The following GABBR2 variants were observed in gnomAD, a reference collection of about 807,000 sequenced individuals.
GABBR2 encodes gamma-aminobutyric acid type B receptor subunit 2, also known as G-protein coupled receptor 51.
Under a neutral mutation model 105.6 loss-of-function variants are expected in GABBR2, and 23 were observed. The ratio of observed to expected loss-of-function variants is 0.22; its 90% CI spans 0.16 to 0.31. GABBR2 has a LOEUF of 0.31. Ranked by LOEUF, GABBR2 falls within the 10% of genes least tolerant of loss-of-function variation. GABBR2 has a pLI of 1.00. For missense variants in GABBR2, 734 were observed against 1,245.5 expected (o/e 0.59, Z 6.18); for synonymous variants, 478 against 499.7 (o/e 0.96, Z 0.58).
At chr9:98,333,376 C>G (rs1340951737) in intron 13 of GABBR2, among the ~76,000 whole-genome samples, 2 of 152,132 alleles carry the variant, frequency 1.3e-5, no homozygotes, top group African/African-American at 4.8e-5. Context: ...GACAATTAAT[C>G]CTTGCACAGT....
intron 3 of GABBR2, among the ~76,000 whole-genome samples, chr9:98,506,583 T>C (rs999875795): frequency 1.2e-4 from 19 of 152,200 alleles, no homozygotes; most frequent in African/African-American, 4.6e-4. Context: ...CAGCGCTAGC[T>C]GGAACTCTAT....
intron 13 of GABBR2, among the ~76,000 whole-genome samples, chr9:98,325,336 G>GGC (rs1272377127): frequency 1.6e-5 from 2 of 127,544 alleles, no homozygotes; most frequent in Non-Finnish European, 3.1e-5. Flanking sequence ...CTGTCACCCA[G>GGC]GCTGGAGTGC....
At chr9:98,413,203 C>T (rs16915747) in intron 7 of GABBR2, among the ~76,000 whole-genome samples, 1,593 of 152,248 alleles carry the variant, frequency 0.01, 17 homozygotes, top group Non-Finnish European at 0.016. Flanking sequence ...CCAAGCCCAT[C>T]GTGGACTGTT....
At chr9:98,690,579 C>T (rs1051162262) in intron 1 of GABBR2, among the ~76,000 whole-genome samples, 1 of 152,150 alleles carries the variant, frequency 6.6e-6, no homozygotes, top group Non-Finnish European at 1.5e-5. Context: ...GGGCTGGAAC[C>T]TGGCAGGTCT....
At chr9:98,625,306 CGGCTCAG>C (rs1349127199) in intron 1 of GABBR2, among the ~76,000 whole-genome samples, 2 of 152,222 alleles carry the variant, frequency 1.3e-5, no homozygotes, top group Non-Finnish European at 2.9e-5. Context: ...CACTGATGCC[CGGCTCAG>C]GGCTCAGGAC....
At chr9:98,373,891 T>C (rs1479152699) in intron 11 of GABBR2, among the ~76,000 whole-genome samples, 1 of 139,220 alleles carries the variant, frequency 7.2e-6, no homozygotes, top group African/African-American at 2.7e-5. Context: ...GAGATCTTGC[T>C]CTGTCCCTCA....
intron 3 of GABBR2, among the ~76,000 whole-genome samples, chr9:98,527,555 A>G (rs1827984446): frequency 6.6e-6 from 1 of 152,122 alleles, no homozygotes; most frequent in Non-Finnish European, 1.5e-5. Context: ...GTTTTCTCAT[A>G]TCCCACCAAT....
At chr9:98,292,375 T>G (rs762456977) in intron 18 of GABBR2, among the ~76,000 whole-genome samples, 1 of 152,214 alleles carries the variant, frequency 6.6e-6, no homozygotes, top group Admixed American at 6.5e-5. Flanking sequence ...GCTGCTTCTG[T>G]TCAACCACAT....
At chr9:98,496,262 C>T in intron 4 of GABBR2, 151 bp downstream of exon 4, 1 of 635,276 alleles carries the variant, frequency 1.6e-6, no homozygotes, top group Non-Finnish European at 2.8e-6. Context: ...CAAGGGAAGC[C>T]AATTCCTGGG....
intron 10 of GABBR2, among the ~76,000 whole-genome samples, chr9:98,386,540 C>T (rs866078370): frequency 1.2e-4 from 18 of 152,164 alleles, no homozygotes; most frequent in South Asian, 2.1e-4. Flanking sequence ...ATTCTTTATA[C>T]TTCCAGACGC....
At chr9:98,394,969 C>T (rs960278205) in intron 8 of GABBR2, among the ~76,000 whole-genome samples, 8 of 152,162 alleles carry the variant, frequency 5.3e-5, no homozygotes, top group African/African-American at 1.9e-4. Flanking sequence ...GCATAATCTC[C>T]CACTGCTCTT....
chr9:98,559,821 A>C (rs920180152), intron 2 of GABBR2, among the ~76,000 whole-genome samples: 31 of 152,152 alleles, frequency 2.0e-4, no homozygotes, highest in African/African-American at 7.5e-4. Context: ...ATCCATACAA[A>C]GCAGGGCTGT....
intron 3 of GABBR2, among the ~76,000 whole-genome samples, chr9:98,525,200 A>G (rs1309547950): frequency 6.6e-6 from 1 of 152,174 alleles, no homozygotes; most frequent in South Asian, 2.1e-4. Flanking sequence ...GCAAAAAAAC[A>G]CCATTAAGAA....
chr9:98,471,147 G>C (rs993313194), intron 6 of GABBR2, among the ~76,000 whole-genome samples: 1 of 152,208 alleles, frequency 6.6e-6, no homozygotes, highest in African/African-American at 2.4e-5. Flanking sequence ...GAAGCGAAGA[G>C]GCTTCAAATT....
chr9:98,308,458 A>G (rs1189687591), intron 14 of GABBR2, among the ~76,000 whole-genome samples: 2 of 152,230 alleles, frequency 1.3e-5, no homozygotes, highest in African/African-American at 4.8e-5. Context: ...AGATATGTCC[A>G]TATCTTAATT....
At chr9:98,489,013 A>G (rs1221316680) in intron 4 of GABBR2, among the ~76,000 whole-genome samples, 1 of 152,236 alleles carries the variant, frequency 6.6e-6, no homozygotes, top group Non-Finnish European at 1.5e-5. Context: ...AGGTCCAGAT[A>G]GTAAATATTT....
At chr9:98,568,745 C>T (rs1828784792) in intron 2 of GABBR2, among the ~76,000 whole-genome samples, 1 of 152,210 alleles carries the variant, frequency 6.6e-6, no homozygotes, top group South Asian at 2.1e-4. Flanking sequence ...CCGCTTCAAG[C>T]CAACTACCAG....
At chr9:98,552,868 G>A (rs1380038721) in intron 2 of GABBR2, among the ~76,000 whole-genome samples, 1 of 151,966 alleles carries the variant, frequency 6.6e-6, no homozygotes, top group African/African-American at 2.4e-5. Flanking sequence ...GCTGTGGCCA[G>A]TCCTTTTTTT....
At chr9:98,347,770 G>T (rs1831325461) in intron 13 of GABBR2, among the ~76,000 whole-genome samples, 1 of 152,092 alleles carries the variant, frequency 6.6e-6, no homozygotes, top group African/African-American at 2.4e-5. Flanking sequence ...AATAGGGGTT[G>T]ATATGGTTTG....
Sources: gnomAD v4.1 joint callset for allele counts (sites outside exome capture counted in the v4.1 genomes callset) on GRCh38, gnomAD v4.1.1 for gene constraint, MANE v1.5 for transcripts, NCBI Gene and HGNC (gene_info 2026-07-23, HGNC 2026-07-21) for gene names.